The following GSTCD variants were observed in gnomAD, a reference collection of about 807,000 sequenced individuals.
The protein encoded by GSTCD is glutathione S-transferase C-terminal domain-containing protein.
In GSTCD, 44 loss-of-function variants were observed where a neutral mutation model predicts 68.3. The observed-to-expected ratio is 0.64, with a 90% CI of 0.51 to 0.83. The LOEUF is 0.83. GSTCD is among the 40% of genes least tolerant of loss of function. The probability of loss-of-function intolerance (pLI) is 0.00; values close to 1 mark genes in which losing one functional copy is unlikely to be tolerated. For synonymous variants in GSTCD, 273 were observed against 255.2 expected (o/e 1.07, Z -0.67); for missense variants, 739 against 735.9 (o/e 1.00, Z -0.05).
chr4:105,836,528 G>T (rs897452523), intron 9 of GSTCD, among the ~76,000 whole-genome samples: 3 of 152,088 alleles, frequency 2.0e-5, no homozygotes, highest in Non-Finnish European at 2.9e-5. Flanking sequence ...CACCCAGGCT[G>T]TTTGTGCCAA....
At chr4:105,834,633 G>C (rs748295099) in intron 9 of GSTCD, 39 bp downstream of exon 9, 4 of 1,584,720 alleles carry the variant, frequency 2.5e-6, no homozygotes, top group Non-Finnish European at 3.4e-6. Flanking sequence ...ACCAACATGG[G>C]TATAAGCCAG....
chr4:105,728,435 T>C (rs1017622928), intron 4 of GSTCD, among the ~76,000 whole-genome samples: 1 of 152,090 alleles, frequency 6.6e-6, no homozygotes, highest in African/African-American at 2.4e-5. Context: ...GTCAGAGAGA[T>C]GTGTTTGTCT....
chr4:105,832,637 G>A (rs892693696), intron 8 of GSTCD, among the ~76,000 whole-genome samples: 2 of 152,176 alleles, frequency 1.3e-5, no homozygotes, highest in Admixed American at 6.5e-5. Flanking sequence ...TTGTGGGCAA[G>A]TTCTTAATTT....
chr4:105,766,776 G>T (rs1051787118), intron 5 of GSTCD, among the ~76,000 whole-genome samples: 94 of 151,214 alleles, frequency 6.2e-4, no homozygotes, highest in African/African-American at 2.2e-3. Context: ...AAATTACTCT[G>T]ACGTTGACTA....
At chr4:105,773,719 C>A (rs566035425) in intron 5 of GSTCD, among the ~76,000 whole-genome samples, 21 of 151,674 alleles carry the variant, frequency 1.4e-4, no homozygotes, top group Admixed American at 1.1e-3. Flanking sequence ...CTGTGGTCTG[C>A]GAGACTGTTA....
intron 5 of GSTCD, among the ~76,000 whole-genome samples, chr4:105,745,910 G>T (rs1288726873): frequency 1.3e-5 from 2 of 152,120 alleles, no homozygotes; most frequent in Non-Finnish European, 1.5e-5. Context: ...ATGTACCTGA[G>T]AATTTAGTTT....
At chr4:105,809,613 T>A (rs565553921) in intron 5 of GSTCD, among the ~76,000 whole-genome samples, 9 of 152,226 alleles carry the variant, frequency 5.9e-5, no homozygotes, top group African/African-American at 1.9e-4. Flanking sequence ...CACTGGAATG[T>A]GTACTCCATG....
At chr4:105,808,464 A>G (rs1722615984) in intron 5 of GSTCD, among the ~76,000 whole-genome samples, 1 of 152,102 alleles carries the variant, frequency 6.6e-6, no homozygotes, top group African/African-American at 2.4e-5. Context: ...AATCTAAGCA[A>G]CTATCATGTC....
At chr4:105,733,891 A>G (rs1468060232) in intron 5 of GSTCD, among the ~76,000 whole-genome samples, 1 of 152,150 alleles carries the variant, frequency 6.6e-6, no homozygotes, top group Non-Finnish European at 1.5e-5. Flanking sequence ...GGTGGTGACA[A>G]AATCTCTCAG....
chr4:105,803,186 C>A (rs1220861962), intron 5 of GSTCD, among the ~76,000 whole-genome samples: 5 of 152,042 alleles, frequency 3.3e-5, no homozygotes, highest in Non-Finnish European at 7.4e-5. Context: ...CATATGGCAA[C>A]ATGCATTTCC....
chr4:105,712,252 G>A (rs1357590331), intron 1 of GSTCD, among the ~76,000 whole-genome samples: 2 of 152,200 alleles, frequency 1.3e-5, no homozygotes, highest in Non-Finnish European at 2.9e-5. Flanking sequence ...CAGGCAGTCA[G>A]GAGAGGCTGT....
intron 5 of GSTCD, among the ~76,000 whole-genome samples, chr4:105,754,959 C>T (rs1734128834): frequency 6.8e-6 from 1 of 147,404 alleles, no homozygotes; most frequent in Non-Finnish European, 1.5e-5. Flanking sequence ...GTGATTCATT[C>T]CTGTAATCCC....
intron 5 of GSTCD, among the ~76,000 whole-genome samples, chr4:105,765,410 A>T (rs764557672): frequency 6.6e-6 from 1 of 152,202 alleles, no homozygotes; most frequent in Non-Finnish European, 1.5e-5. Flanking sequence ...CAAGCACTCA[A>T]TGACTGGAAG....
chr4:105,827,931 GCT>G (rs1396696057), intron 8 of GSTCD, among the ~76,000 whole-genome samples: 2 of 151,662 alleles, frequency 1.3e-5, no homozygotes, highest in Non-Finnish European at 2.9e-5. Flanking sequence ...TAATACCCAT[GCT>G]CTCAAACAAT....
At chr4:105,782,616 T>G (rs1290247550) in intron 5 of GSTCD, among the ~76,000 whole-genome samples, 3 of 152,102 alleles carry the variant, frequency 2.0e-5, no homozygotes, top group Non-Finnish European at 4.4e-5. Context: ...GACAGAGTCT[T>G]GCTCTGTCAC....
chr4:105,759,208 G>A (rs1010101189), intron 5 of GSTCD, among the ~76,000 whole-genome samples: 2 of 152,112 alleles, frequency 1.3e-5, no homozygotes, highest in African/African-American at 4.8e-5. Context: ...AGCTCTATGA[G>A]TCAGCTAGTA....
At chr4:105,785,933 A>T (rs1193949162) in intron 5 of GSTCD, among the ~76,000 whole-genome samples, 1 of 152,106 alleles carries the variant, frequency 6.6e-6, no homozygotes, top group Non-Finnish European at 1.5e-5. Flanking sequence ...TATACAAGTT[A>T]GTTGAACTTG....
At chr4:105,781,865 T>C (rs1298684475) in intron 5 of GSTCD, among the ~76,000 whole-genome samples, 2 of 151,916 alleles carry the variant, frequency 1.3e-5, no homozygotes, top group Non-Finnish European at 2.9e-5. Context: ...CAAAATGAAC[T>C]TTTCCCACAG....
intron 5 of GSTCD, among the ~76,000 whole-genome samples, chr4:105,816,732 A>G (rs1466027424): frequency 6.6e-6 from 1 of 152,082 alleles, no homozygotes; most frequent in Non-Finnish European, 1.5e-5. Flanking sequence ...ATCACAATTA[A>G]TTAAAAGCAT....
Sources: gnomAD v4.1 joint callset for allele counts (sites outside exome capture counted in the v4.1 genomes callset) on GRCh38, gnomAD v4.1.1 for gene constraint, MANE v1.5 for transcripts, NCBI Gene and HGNC (gene_info 2026-07-23, HGNC 2026-07-21) for gene names.